Variants in PTPN13 observed in about 807,000 individuals in gnomAD.
PTPN13 encodes tyrosine-protein phosphatase non-receptor type 13.
A neutral mutation model predicts 284.0 loss-of-function variants in PTPN13; 191 were observed. That is an observed-to-expected ratio of 0.67 (90% CI 0.60 to 0.76). The LOEUF is 0.76. Ranked by LOEUF, PTPN13 falls within the 30% of genes least tolerant of loss-of-function variation. The pLI, the probability that PTPN13 is intolerant of heterozygous loss-of-function variation, is 0.00. For missense variants in PTPN13, 2,797 were observed against 2,939.9 expected, an observed-to-expected ratio of 0.95 and a Z score of 1.12; for synonymous variants, 986 against 1,022.3, an observed-to-expected ratio of 0.96 and a Z score of 0.68.
In PTPN13 at chr4:86,639,883, T is replaced by C. The variant is rs548161136; in HGVS notation, c.115+4512T>C. On this transcript the variant is annotated intron_variant, in intron 2 of 47. Coordinates refer to ENST00000411767, the MANE Select transcript of PTPN13 (RefSeq NM_080683.3). ...TAGAGACCTACTAAATAAGCAACTCTGGGGGTGCAGCCCAGCAATTTGTGT... is the reference window on the plus strand; with the variant it reads ...TAGAGACCTACTAAATAAGCAACTCCGGGGGTGCAGCCCAGCAATTTGTGT... 6.6e-5 allele frequency among the ~76,000 whole-genome samples: 10 copies of C among 152,192 alleles called. No homozygotes were observed. In the South Asian group the frequency reaches 2.1e-3, roughly 32 times the overall value.
chr4:86,738,498 T>C (rs1366371444), intron 15 of PTPN13, among the ~76,000 whole-genome samples: 2 of 152,206 alleles, frequency 1.3e-5, no homozygotes, highest in Non-Finnish European at 2.9e-5. Flanking sequence ...TTATTTGCCA[T>C]TTATATATCA....
intron 19 of PTPN13, among the ~76,000 whole-genome samples, chr4:86,752,470 CTG>C (rs980853257): frequency 1.3e-4 from 20 of 152,114 alleles, no homozygotes; most frequent in African/African-American, 4.6e-4. Context: ...ATAGGTAACT[CTG>C]TGTTGAAAAT....
chr4:86,686,597 C>T (rs924420976), intron 3 of PTPN13, 113 bp from the exon 4 acceptor site: 4 of 705,586 alleles, frequency 5.7e-6, no homozygotes, highest in Middle Eastern at 4.1e-4. Flanking sequence ...TGATGATTTT[C>T]TCAAATTGTG....
chr4:86,704,788 C>T (rs1298943709), intron 7 of PTPN13, among the ~76,000 whole-genome samples: 3 of 152,066 alleles, frequency 2.0e-5, no homozygotes, highest in Non-Finnish European at 2.9e-5. Context: ...CCATTATTCC[C>T]CCAGAGGATA....
At chr4:86,724,569 T>C (rs912227641) in intron 10 of PTPN13, among the ~76,000 whole-genome samples, 2 of 152,198 alleles carry the variant, frequency 1.3e-5, no homozygotes, top group Non-Finnish European at 2.9e-5. Context: ...AGTGATTAGA[T>C]AATTTGAACT....
chr4:86,806,834 A>G (rs1432774356), intron 44 of PTPN13, among the ~76,000 whole-genome samples: 1 of 152,242 alleles, frequency 6.6e-6, no homozygotes, highest in East Asian at 1.9e-4. Flanking sequence ...ATACATATAA[A>G]TTTATTCTCT....
At chr4:86,752,833 C>T (rs1326289157) in intron 19 of PTPN13, among the ~76,000 whole-genome samples, 176 bp from the exon 20 acceptor site, 3 of 152,168 alleles carry the variant, frequency 2.0e-5, no homozygotes, top group Non-Finnish European at 4.4e-5. Flanking sequence ...AGTTATTATG[C>T]TTAGCTACTA....
chr4:86,794,260 T>G (rs930633012), intron 40 of PTPN13, among the ~76,000 whole-genome samples: 3 of 148,904 alleles, frequency 2.0e-5, no homozygotes, highest in Non-Finnish European at 4.5e-5. Flanking sequence ...ACACCAACAG[T>G]AGACAGAGCC....
chr4:86,758,645 A>T, intron 21 of PTPN13, 33 bp from the exon 22 acceptor site: 1 of 1,551,896 alleles, frequency 6.4e-7, no homozygotes. Context: ...AAGCAGCAAT[A>T]TGAAAATCTT....
intron 5 of PTPN13, among the ~76,000 whole-genome samples, chr4:86,692,193 A>C (rs1730098182): frequency 6.6e-6 from 1 of 152,220 alleles, no homozygotes. Context: ...TCAATAAACA[A>C]CAGTTATTAA....
intron 1 of PTPN13, among the ~76,000 whole-genome samples, chr4:86,621,851 CTTT>C (rs1383236990): frequency 1.3e-5 from 2 of 151,896 alleles, no homozygotes; most frequent in Non-Finnish European, 2.9e-5. Context: ...TCATGTTCTT[CTTT>C]GTCTCTTCCT....
intron 10 of PTPN13, among the ~76,000 whole-genome samples, chr4:86,723,254 G>A (rs1360480089): frequency 6.6e-6 from 1 of 152,158 alleles, no homozygotes; most frequent in African/African-American, 2.4e-5. Context: ...CTAAAGCAGG[G>A]CTCCACAGGC....
intron 20 of PTPN13, among the ~76,000 whole-genome samples, chr4:86,756,030 G>A (rs931141217): frequency 1.3e-5 from 2 of 151,264 alleles, no homozygotes; most frequent in African/African-American, 2.4e-5. Context: ...TATGCCTAAT[G>A]GACTTATTAA....
intron 15 of PTPN13, among the ~76,000 whole-genome samples, chr4:86,736,857 A>G (rs1236864810): frequency 6.6e-6 from 1 of 152,074 alleles, no homozygotes; most frequent in Admixed American, 6.6e-5. Flanking sequence ...AGGTTGCCCT[A>G]CTCCTTCTAA....
intron 17 of PTPN13, among the ~76,000 whole-genome samples, chr4:86,747,344 G>A (rs544046107): frequency 6.6e-6 from 1 of 152,290 alleles, no homozygotes; most frequent in African/African-American, 2.4e-5. Context: ...ACCTATATCA[G>A]AAAGTTGTGA....
Position 86,734,887 on chromosome 4 carries a change from G to GT in PTPN13, c.2151+19dup, listed in dbSNP as rs752287187. The GT allele has an allele frequency of 3.7e-6, 6 of 1,605,320 alleles. No homozygotes were observed. Among genetic ancestry groups the GT allele is most frequent in the South Asian group, 2.2e-5 (2 of 90,212 alleles). Reference sequence around the variant, plus strand: ...ATTATCAACCAGAGGTAGGATTTGTGTTTTTTTCCAGGACCATTTTTGTTT... The same window carrying GT: ...ATTATCAACCAGAGGTAGGATTTGTGTTTTTTTTCCAGGACCATTTTTGTTT... On this transcript the variant is annotated intron_variant, in intron 14 of 47. Transcript: ENST00000411767.
chr4:86,681,796 C>G (rs923928215), intron 3 of PTPN13, among the ~76,000 whole-genome samples: 1 of 152,062 alleles, frequency 6.6e-6, no homozygotes, highest in Non-Finnish European at 1.5e-5. Context: ...GGCATGGTGG[C>G]AGGTGCCTGT....
At position 86,761,155 on chromosome 4, in the gene PTPN13, T is replaced by TATATATATAG. The variant is rs1352040506; in HGVS notation, c.3554-1563_3554-1562insGATATATATA. Among the ~76,000 whole-genome samples, 225 of 145,888 alleles carry TATATATATAG rather than the reference T, an allele frequency of 1.5e-3. 5 individuals are homozygous for TATATATATAG. The highest frequency in any genetic ancestry group is 4.1e-3 in the Admixed American group (60 of 14,494). On this transcript the variant is annotated intron_variant, in intron 23 of 47. Coordinates refer to ENST00000411767, the MANE Select transcript of PTPN13 (RefSeq NM_080683.3). ...GTGTGTGTAAATATATATATATATATATATATATATATATAAACACAACAC... is the reference window on the plus strand; with the variant it reads ...GTGTGTGTAAATATATATATATATATATATATATAGATATATATATATATAAACACAACAC...
chr4:86,746,197 T>A (rs781712409), intron 17 of PTPN13, among the ~76,000 whole-genome samples: 4 of 152,260 alleles, frequency 2.6e-5, no homozygotes, highest in Admixed American at 1.3e-4. Context: ...GGAAAAAATA[T>A]CTCAATCAGA....
Sources: allele counts gnomAD v4.1 joint callset (sites outside exome capture counted in the v4.1 genomes callset), GRCh38; gene constraint gnomAD v4.1.1; transcripts MANE v1.5; gene names NCBI Gene and HGNC (gene_info 2026-07-23, HGNC 2026-07-21).